The following SLC25A21 variants were observed in gnomAD, a reference collection of about 807,000 sequenced individuals.
SLC25A21 encodes solute carrier family 25 member 21, also known as mitochondrial 2-oxodicarboxylate carrier.
Under a neutral mutation model 43.8 loss-of-function variants are expected in SLC25A21, and 47 were observed. The observed-to-expected ratio is 1.07, with a 90% CI of 0.85 to 1.37. The LOEUF (loss-of-function observed/expected upper bound fraction) is 1.37. SLC25A21 is among the 40% of genes most tolerant of loss of function. The probability of loss-of-function intolerance (pLI) is 0.00; values close to 1 mark genes in which losing one functional copy is unlikely to be tolerated. For missense variants in SLC25A21, 352 were observed against 350.2 expected (o/e 1.00, Z -0.04); for synonymous variants, 131 against 121.3 (o/e 1.08, Z -0.52).
At chr14:36,823,126 A>G (rs1252406606) in intron 2 of SLC25A21, among the ~76,000 whole-genome samples, 1 of 152,208 alleles carries the variant, frequency 6.6e-6, no homozygotes, top group African/African-American at 2.4e-5. Context: ...TTATGGGATA[A>G]TAACTAACTA....
At chr14:36,803,604 A>AT (rs1307977367) in intron 3 of SLC25A21, among the ~76,000 whole-genome samples, 4 of 152,086 alleles carry the variant, frequency 2.6e-5, no homozygotes, top group Non-Finnish European at 4.4e-5. Context: ...ACTTTATCTC[A>AT]TTTTTTGTCA....
intron 1 of SLC25A21, among the ~76,000 whole-genome samples, chr14:36,946,703 T>C (rs776955600): frequency 6.6e-6 from 1 of 152,168 alleles, no homozygotes; most frequent in Non-Finnish European, 1.5e-5. Context: ...AGGTAACAGT[T>C]GGTTTTGCTC....
chr14:37,077,480 G>A (rs781337835), intron 1 of SLC25A21, among the ~76,000 whole-genome samples: 8 of 151,900 alleles, frequency 5.3e-5, no homozygotes, highest in Non-Finnish European at 1.2e-4. Flanking sequence ...ATGAAAATCC[G>A]TATGTTATGT....
chr14:36,925,281 T>C (rs1450651914), intron 1 of SLC25A21, among the ~76,000 whole-genome samples: 1 of 152,166 alleles, frequency 6.6e-6, no homozygotes, highest in Non-Finnish European at 1.5e-5. Context: ...TGCAATTACA[T>C]GGCAGTGGTT....
chr14:36,761,227 G>A (rs534131251), intron 3 of SLC25A21, among the ~76,000 whole-genome samples: 1 of 152,158 alleles, frequency 6.6e-6, no homozygotes, highest in Non-Finnish European at 1.5e-5. Flanking sequence ...GGCACGGCCG[G>A]CCTGTGGGGT....
intron 3 of SLC25A21, among the ~76,000 whole-genome samples, chr14:36,750,244 T>A (rs941433962): frequency 7.2e-5 from 11 of 152,192 alleles, no homozygotes; most frequent in African/African-American, 2.7e-4. Context: ...TGGCTAACCA[T>A]GGGGAAAGTT....
chr14:37,078,254 C>T (rs565430666), intron 1 of SLC25A21, among the ~76,000 whole-genome samples: 1 of 152,242 alleles, frequency 6.6e-6, no homozygotes, highest in South Asian at 2.1e-4. Flanking sequence ...TTAAGGCACA[C>T]ACTCCTGAGG....
chr14:37,068,913 GCCTGTAATC>G (rs1271836856), intron 1 of SLC25A21, among the ~76,000 whole-genome samples: 2 of 152,100 alleles, frequency 1.3e-5, no homozygotes, highest in Non-Finnish European at 2.9e-5. Context: ...GGTGGCTCAC[GCCTGTAATC>G]CCAGCACTTT....
At chr14:37,161,979 A>AG (rs1963951157) in intron 1 of SLC25A21, among the ~76,000 whole-genome samples, 1 of 148,866 alleles carries the variant, frequency 6.7e-6, no homozygotes, top group South Asian at 2.1e-4. Context: ...AAAAAAAAAA[A>AG]AAAAGAAATC....
chr14:36,723,884 T>C (rs1335105961), intron 6 of SLC25A21, among the ~76,000 whole-genome samples: 1 of 152,172 alleles, frequency 6.6e-6, no homozygotes, highest in Non-Finnish European at 1.5e-5. Flanking sequence ...GTCCTGTTTA[T>C]TCCTTTGCCT....
chr14:37,098,782 C>CAGATAGATAGAT (rs1328490791), intron 1 of SLC25A21, among the ~76,000 whole-genome samples: 21 of 138,096 alleles, frequency 1.5e-4, no homozygotes, highest in African/African-American at 6.3e-4. Context: ...GACAGACAGA[C>CAGATAGATAGAT]AGACAGATAG....
intron 1 of SLC25A21, among the ~76,000 whole-genome samples, chr14:37,099,586 T>A (rs1341419000): frequency 1.3e-5 from 2 of 152,010 alleles, no homozygotes; most frequent in Non-Finnish European, 2.9e-5. Context: ...TGCCAGGATG[T>A]TCCCCCCGCC....
intron 1 of SLC25A21, among the ~76,000 whole-genome samples, chr14:37,014,808 G>A (rs1050352334): frequency 6.6e-6 from 1 of 152,076 alleles, no homozygotes; most frequent in African/African-American, 2.4e-5. Context: ...AATAAATGTT[G>A]TGTTGGCAGG....
chr14:36,901,227 C>T (rs902810972), intron 1 of SLC25A21, among the ~76,000 whole-genome samples: 1 of 152,174 alleles, frequency 6.6e-6, no homozygotes, highest in Non-Finnish European at 1.5e-5. Context: ...ATATATCAGA[C>T]ACTTTTTTCC....
chr14:36,847,616 G>A (rs1042257222), intron 2 of SLC25A21, among the ~76,000 whole-genome samples: 1 of 152,196 alleles, frequency 6.6e-6, no homozygotes, highest in Non-Finnish European at 1.5e-5. Flanking sequence ...GCCAGGCAGA[G>A]AAGGTGAGAG....
rs774208276 is a variant in SLC25A21 at position 37,172,380 on chromosome 14, G to A, written c.-30C>T. The A allele has an allele frequency of 1.9e-6, 3 of 1,576,964 alleles. No individual in the cohort carries two copies. Among genetic ancestry groups the A allele is most frequent in the Admixed American group, 1.8e-5 (1 of 54,864 alleles). ...GCCAGGCGGGAGGACAAGGGAGTGG[G>A]CTGAGATGCGTCAACGAGCTCGCAG... On this transcript the variant is annotated 5_prime_UTR_variant, in exon 1 of 10. Coordinates refer to ENST00000331299, the MANE Select transcript of SLC25A21 (RefSeq NM_030631.4).
intron 4 of SLC25A21, among the ~76,000 whole-genome samples, chr14:36,732,469 A>G (rs527581765): frequency 6.6e-6 from 1 of 152,294 alleles, no homozygotes; most frequent in African/African-American, 2.4e-5. Context: ...TTTGCTAACT[A>G]CAATATTAAC....
intron 1 of SLC25A21, among the ~76,000 whole-genome samples, chr14:37,056,908 ATCT>A (rs531098412): frequency 1.4e-4 from 22 of 152,112 alleles, no homozygotes; most frequent in Non-Finnish European, 2.2e-4. Context: ...ACACTTCAAA[ATCT>A]TCTCATTTTT....
intron 2 of SLC25A21, among the ~76,000 whole-genome samples, chr14:36,852,897 T>C (rs746872872): frequency 7.2e-5 from 11 of 152,136 alleles, no homozygotes; most frequent in Non-Finnish European, 2.9e-5. Flanking sequence ...AATTTGAATA[T>C]AATAAATATC....
Sources: gnomAD v4.1 joint callset for allele counts (sites outside exome capture counted in the v4.1 genomes callset) on GRCh38, gnomAD v4.1.1 for gene constraint, MANE v1.5 for transcripts, NCBI Gene and HGNC (gene_info 2026-07-23, HGNC 2026-07-21) for gene names.